The following LAPTM4B variants were observed in gnomAD, a reference collection of about 807,000 sequenced individuals.
LAPTM4B encodes lysosomal-associated transmembrane protein 4B.
LAPTM4B carries 26 observed loss-of-function variants against 28.5 expected under a neutral mutation model. That is an observed-to-expected ratio of 0.91 (90% CI 0.67 to 1.27). LAPTM4B has a LOEUF of 1.27. Ranked by LOEUF, LAPTM4B falls within the 50% of genes most tolerant of loss-of-function variation. The pLI, the probability that LAPTM4B is intolerant of heterozygous loss-of-function variation, is 0.00. For missense variants in LAPTM4B, 288 were observed against 285.8 expected, an observed-to-expected ratio of 1.01 and a Z score of -0.06; for synonymous variants, 109 against 106.4, an observed-to-expected ratio of 1.02 and a Z score of -0.15.
intron 6 of LAPTM4B, among the ~76,000 whole-genome samples, chr8:97,826,941 G>A (rs1030381648): frequency 9.8e-5 from 15 of 152,352 alleles, no homozygotes; most frequent in Middle Eastern, 3.4e-3. Flanking sequence ...AGCAAGGTTT[G>A]AGATTTTTAA....
intron 6 of LAPTM4B, among the ~76,000 whole-genome samples, chr8:97,828,132 T>A (rs1817121782): frequency 6.6e-6 from 1 of 152,126 alleles, no homozygotes; most frequent in Non-Finnish European, 1.5e-5. Flanking sequence ...TCCTGGCTTT[T>A]TATATTAATA....
intron 1 of LAPTM4B, among the ~76,000 whole-genome samples, chr8:97,781,853 G>A (rs895690271): frequency 5.9e-5 from 9 of 151,884 alleles, no homozygotes; most frequent in African/African-American, 2.2e-4. Flanking sequence ...GCTGAGTATT[G>A]TTTTTATTGT....
chr8:97,818,878 A>G (rs1816962087), intron 4 of LAPTM4B, among the ~76,000 whole-genome samples: 1 of 151,950 alleles, frequency 6.6e-6, no homozygotes, highest in Non-Finnish European at 1.5e-5. Flanking sequence ...AAGAAAAAAA[A>G]AAAAAAAAGG....
At chr8:97,807,744 C>T (rs1816775843) in intron 2 of LAPTM4B, among the ~76,000 whole-genome samples, 1 of 152,044 alleles carries the variant, frequency 6.6e-6, no homozygotes, top group African/African-American at 2.4e-5. Context: ...TGTAAGAGGC[C>T]AGGAGGAAGA....
At chr8:97,788,212 G>T in intron 1 of LAPTM4B, 1 of 276,170 alleles carries the variant, frequency 3.6e-6, no homozygotes, top group Non-Finnish European at 7.2e-6. Context: ...ATTCCTTATA[G>T]ATCCAGCTAG....
intron 1 of LAPTM4B, among the ~76,000 whole-genome samples, chr8:97,792,013 A>C (rs1328220076): frequency 6.6e-6 from 1 of 152,138 alleles, no homozygotes; most frequent in South Asian, 2.1e-4. Context: ...ATTTGGGGGG[A>C]AAAACTTCCA....
intron 1 of LAPTM4B, among the ~76,000 whole-genome samples, chr8:97,782,518 A>G (rs1340075338): frequency 1.3e-5 from 2 of 151,424 alleles, no homozygotes; most frequent in East Asian, 3.9e-4. Flanking sequence ...AGCTCACTGC[A>G]ACGTCTGCCT....
At chr8:97,806,000 C>T (rs1319900121) in intron 2 of LAPTM4B, among the ~76,000 whole-genome samples, 6 of 152,020 alleles carry the variant, frequency 3.9e-5, no homozygotes, top group Admixed American at 6.6e-5. Flanking sequence ...ATCATTATGC[C>T]GAGTCCATGC....
rs556830244 is a variant in LAPTM4B, at chr8:97,779,992, C to T, written c.99+3884C>T. 7.6e-4 allele frequency among the ~76,000 whole-genome samples: 111 copies of T among 146,704 alleles called. 1 individual carries two copies. The highest frequency in any genetic ancestry group is 2.5e-3 in the African/African-American group (100 of 39,510). On this transcript the variant is annotated intron_variant, in intron 1 of 6. Transcript: ENST00000521545. ...CTTGAACCCAGGTGGCAGAGGTTGC[C>T]GTGAGCCGAGATCACGCCACTGCAC...
In LAPTM4B at chr8:97,812,353, G is replaced by A. The variant is rs191006297; in HGVS notation, c.212-2975G>A. ...TCCTGCCTTGGCCTCCCGAGTAGCT[G>A]GGATTACAGGCATGCACCACCTTTT... On this transcript the variant is annotated intron_variant, in intron 2 of 6. Coordinates refer to ENST00000521545, the MANE Select transcript of LAPTM4B (RefSeq NM_018407.6). Among the ~76,000 whole-genome samples, 233 of 151,712 alleles carry A rather than the reference G, an allele frequency of 1.5e-3. 1 individual carries two copies. The highest frequency in any genetic ancestry group is 5.0e-3 in the African/African-American group (207 of 41,368).
intron 1 of LAPTM4B, among the ~76,000 whole-genome samples, chr8:97,789,632 A>G (rs114637348): frequency 0.055 from 8,337 of 150,776 alleles, 771 homozygotes; most frequent in African/African-American, 0.19. Flanking sequence ...GGTTCAAGCA[A>G]TTCTTCTCCC....
At chr8:97,845,875 T>G (rs1563624219) in intron 6 of LAPTM4B, among the ~76,000 whole-genome samples, 1 of 14,824 alleles carries the variant, frequency 6.7e-5, no homozygotes, top group Non-Finnish European at 1.4e-4. Flanking sequence ...TCCACTCCCC[T>G]CCCCTCCCCT....
At chr8:97,850,098 G>A (rs980256046) in intron 6 of LAPTM4B, among the ~76,000 whole-genome samples, 4 of 151,764 alleles carry the variant, frequency 2.6e-5, no homozygotes, top group South Asian at 2.1e-4. Context: ...AGCTTGTTCC[G>A]TCCCTGAGTG....
intron 1 of LAPTM4B, among the ~76,000 whole-genome samples, chr8:97,793,547 G>C (rs968206232): frequency 6.6e-6 from 1 of 152,178 alleles, no homozygotes; most frequent in African/African-American, 2.4e-5. Flanking sequence ...TCGGCCAACA[G>C]CTGTTCAAGA....
chr8:97,816,323 CT>C, intron 4 of LAPTM4B, 143 bp downstream of exon 4: 25 of 707,468 alleles, frequency 3.5e-5, no homozygotes, highest in South Asian at 1.1e-4. Context: ...TTTCTTTTTT[CT>C]TTTTTTTGAG....
chr8:97,828,361 C>T (rs1445450176), intron 6 of LAPTM4B, among the ~76,000 whole-genome samples: 2 of 151,870 alleles, frequency 1.3e-5, no homozygotes, highest in Non-Finnish European at 2.9e-5. Flanking sequence ...GAGCATATGT[C>T]GAATTTAGTG....
At chr8:97,809,329 A>G (rs916649354) in intron 2 of LAPTM4B, among the ~76,000 whole-genome samples, 1 of 152,110 alleles carries the variant, frequency 6.6e-6, no homozygotes, top group African/African-American at 2.4e-5. Flanking sequence ...GCAGAGTGAC[A>G]TGAATTTAAC....
rs193013412 is a variant in LAPTM4B, at chr8:97,840,870, G to A, written c.604-10527G>A. Among the ~76,000 whole-genome samples, 523 of 146,658 alleles carry A rather than the reference G, an allele frequency of 3.6e-3. 2 individuals are homozygous for A. Among genetic ancestry groups the A allele is most frequent in the Admixed American group, 8.4e-3 (124 of 14,742 alleles). On this transcript the variant is annotated intron_variant, in intron 6 of 6. Transcript: ENST00000521545. ...CAGAGGCGCTCCTCACTTCCCAGAC[G>A]GTGGGTAGCTGGGCAGAGGCGCTTC...
At chr8:97,781,737 C>T (rs1259033689) in intron 1 of LAPTM4B, among the ~76,000 whole-genome samples, 1 of 152,144 alleles carries the variant, frequency 6.6e-6, no homozygotes, top group Non-Finnish European at 1.5e-5. Context: ...TTTGCTTATT[C>T]ATGTAAAATG....
Sources: allele counts gnomAD v4.1 joint callset (sites outside exome capture counted in the v4.1 genomes callset), GRCh38; gene constraint gnomAD v4.1.1; transcripts MANE v1.5; gene names NCBI Gene and HGNC (gene_info 2026-07-23, HGNC 2026-07-21).